ZNF704: variants seen among roughly 807,000 people sequenced by gnomAD.
ZNF704 encodes the protein glucocorticoid induced gene 1.
Under a neutral mutation model 44.7 loss-of-function variants are expected in ZNF704, and 10 were observed. The observed-to-expected ratio is 0.22, with a 90% CI of 0.14 to 0.38. ZNF704 has a LOEUF of 0.38. ZNF704 is among the 10% of genes least tolerant of loss of function. The pLI, the probability that ZNF704 is intolerant of heterozygous loss-of-function variation, is 1.00. For missense variants in ZNF704, 390 were observed against 545.5 expected (o/e 0.71, Z 2.84); for synonymous variants, 211 against 207.6 (o/e 1.02, Z -0.14).
chr8:80,686,545 CTAATTTTTTTTTTATT>C (rs1818540240), intron 4 of ZNF704, among the ~76,000 whole-genome samples: 1 of 145,514 alleles, frequency 6.9e-6, no homozygotes, highest in East Asian at 1.9e-4. Context: ...CTACACTGAG[CTAATTTTTTTTTTATT>C]TAATTTTTTT....
chr8:80,806,526 C>G (rs1389125745), intron 2 of ZNF704, among the ~76,000 whole-genome samples: 2 of 152,118 alleles, frequency 1.3e-5, no homozygotes, highest in Non-Finnish European at 1.5e-5. Flanking sequence ...TTATATTACT[C>G]AGAGTCTGGG....
At chr8:80,781,286 G>A (rs1807518162) in intron 2 of ZNF704, among the ~76,000 whole-genome samples, 1 of 152,172 alleles carries the variant, frequency 6.6e-6, no homozygotes, top group African/African-American at 2.4e-5. Context: ...GGCCATATCT[G>A]TAAATATTTT....
At chr8:80,721,429 T>C (rs1229933174) in intron 2 of ZNF704, among the ~76,000 whole-genome samples, 1 of 152,172 alleles carries the variant, frequency 6.6e-6, no homozygotes, top group East Asian at 1.9e-4. Flanking sequence ...TAGTCCTAGA[T>C]GTTTTGCATT....
intron 6 of ZNF704, 124 bp downstream of exon 6, chr8:80,664,690 CA>C: frequency 8.3e-7 from 1 of 1,205,502 alleles, no homozygotes; most frequent in Non-Finnish European, 1.2e-6. Flanking sequence ...GGAGAAAAAT[CA>C]AAGCTACCGG....
intron 1 of ZNF704, among the ~76,000 whole-genome samples, chr8:80,825,683 A>T (rs1051045553): frequency 6.6e-6 from 1 of 152,138 alleles, no homozygotes; most frequent in Non-Finnish European, 1.5e-5. Context: ...GAAGTAAAGC[A>T]CTCCTCAGCA....
intron 1 of ZNF704, among the ~76,000 whole-genome samples, chr8:80,835,988 A>T (rs952257793): frequency 3.9e-5 from 6 of 152,134 alleles, no homozygotes; most frequent in African/African-American, 1.4e-4. Context: ...GGATCTGTAC[A>T]ATAGTCTCCC....
In ZNF704 at chr8:80,832,475, C is replaced by T. The variant is rs912592591; in HGVS notation, c.-21-10860G>A. Reference sequence around the variant, plus strand: ...ACTCTGGGCCACCTTAATCCTCACACTTTTCTTACAGATTTACAGTAATGA... The same window carrying T: ...ACTCTGGGCCACCTTAATCCTCACATTTTTCTTACAGATTTACAGTAATGA... On this transcript the variant is annotated intron_variant, in intron 1 of 8. Coordinates refer to ENST00000327835, the MANE Select transcript of ZNF704 (RefSeq NM_001033723.3). Among the ~76,000 whole-genome samples, 4 of 152,308 alleles carry T rather than the reference C, an allele frequency of 2.6e-5. No homozygotes were observed. In the East Asian group the frequency reaches 5.8e-4, roughly 22 times the overall value.
At chr8:80,794,918 T>C (rs1425440398) in intron 2 of ZNF704, among the ~76,000 whole-genome samples, 38 of 152,210 alleles carry the variant, frequency 2.5e-4, no homozygotes, top group Non-Finnish European at 1.5e-5. Context: ...TTCATGTACA[T>C]GTTTATGAAA....
At chr8:80,706,163 G>C (rs969276226) in intron 2 of ZNF704, among the ~76,000 whole-genome samples, 2 of 152,152 alleles carry the variant, frequency 1.3e-5, no homozygotes, top group South Asian at 2.1e-4. Flanking sequence ...AGTCATTCCA[G>C]GCTTACTGAT....
chr8:80,753,366 A>C (rs1488334570), intron 2 of ZNF704, among the ~76,000 whole-genome samples: 6 of 152,188 alleles, frequency 3.9e-5, no homozygotes, highest in Non-Finnish European at 8.8e-5. Flanking sequence ...ATGAGGAAAC[A>C]ATCTTCCTGC....
chr8:80,879,602 A>C (rs1809399878), upstream of ZNF704, among the ~76,000 whole-genome samples: 1 of 152,140 alleles, frequency 6.6e-6, no homozygotes, highest in African/African-American at 2.4e-5. Context: ...CATCACCCTT[A>C]ATTTCATGAG....
intron 7 of ZNF704, among the ~76,000 whole-genome samples, chr8:80,653,255 G>A (rs1281746638): frequency 6.6e-6 from 1 of 152,056 alleles, no homozygotes; most frequent in African/African-American, 2.4e-5. Context: ...TTGAAAACTG[G>A]CACAAGACAG....
intron 7 of ZNF704, among the ~76,000 whole-genome samples, chr8:80,658,411 T>C (rs1276526029): frequency 6.7e-6 from 1 of 149,960 alleles, no homozygotes; most frequent in Non-Finnish European, 1.5e-5. Flanking sequence ...CCCAAACAGA[T>C]TGTTAACCCC....
At chr8:80,643,194 T>C (rs1292112722) in intron 7 of ZNF704, 65 bp from the exon 8 acceptor site, 9 of 1,226,816 alleles carry the variant, frequency 7.3e-6, no homozygotes, top group South Asian at 1.5e-5. Flanking sequence ...TAGTTAACCT[T>C]TGCTGTGTGG....
At chr8:80,772,567 T>C (rs1442989052) in intron 2 of ZNF704, among the ~76,000 whole-genome samples, 1 of 151,986 alleles carries the variant, frequency 6.6e-6, no homozygotes, top group Non-Finnish European at 1.5e-5. Flanking sequence ...TTGTGAGAAC[T>C]CTAACAGCAC....
intron 1 of ZNF704, among the ~76,000 whole-genome samples, chr8:80,850,327 T>G (rs1808837282): frequency 1.3e-5 from 2 of 152,032 alleles, no homozygotes; most frequent in Admixed American, 1.3e-4. Context: ...CAGCTTCTTC[T>G]TTTCTTATAT....
intron 2 of ZNF704, among the ~76,000 whole-genome samples, chr8:80,770,772 A>G (rs1807306261): frequency 1.3e-5 from 2 of 152,124 alleles, no homozygotes; most frequent in African/African-American, 4.8e-5. Flanking sequence ...TTTTTTGCCT[A>G]GCCCTGAGTT....
chr8:80,667,573 T>C (rs999783547), intron 5 of ZNF704, among the ~76,000 whole-genome samples: 3 of 152,240 alleles, frequency 2.0e-5, no homozygotes, highest in African/African-American at 7.2e-5. Context: ...CTGTATTTTG[T>C]TAAACCTCTT....
intron 1 of ZNF704, among the ~76,000 whole-genome samples, chr8:80,868,356 T>C (rs1809193001): frequency 6.6e-6 from 1 of 152,248 alleles, no homozygotes; most frequent in Non-Finnish European, 1.5e-5. Flanking sequence ...TAGTATCCAT[T>C]AGAGTAATCA....
Sources: gnomAD v4.1 joint callset for allele counts (sites outside exome capture counted in the v4.1 genomes callset) on GRCh38, gnomAD v4.1.1 for gene constraint, MANE v1.5 for transcripts, NCBI Gene and HGNC (gene_info 2026-07-23, HGNC 2026-07-21) for gene names.